Variants in ST18 observed in about 807,000 individuals in gnomAD.
ST18 encodes suppression of tumorigenicity 18 protein.
ST18 carries 50 observed loss-of-function variants against 110.0 expected under a neutral mutation model. The observed-to-expected ratio is 0.45, with a 90% CI of 0.36 to 0.58. The LOEUF (loss-of-function observed/expected upper bound fraction) is 0.58, where lower values mean the gene tolerates loss of function less well. Ranked by LOEUF, ST18 falls within the 20% of genes least tolerant of loss-of-function variation. The probability of loss-of-function intolerance (pLI) is 0.00; values close to 1 mark genes in which losing one functional copy is unlikely to be tolerated. For missense variants in ST18, 1,306 were observed against 1,280.1 expected (o/e 1.02, Z -0.31); for synonymous variants, 461 against 452.4 (o/e 1.02, Z -0.24).
chr8:52,311,145 T>C (rs910173684), intron 2 of ST18, among the ~76,000 whole-genome samples: 1 of 152,200 alleles, frequency 6.6e-6, no homozygotes, highest in African/African-American at 2.4e-5. Context: ...CAACATTCTT[T>C]CCTGGACATG....
chr8:52,141,543 A>C (rs957988516), intron 17 of ST18, among the ~76,000 whole-genome samples: 4 of 152,232 alleles, frequency 2.6e-5, no homozygotes, highest in African/African-American at 9.6e-5. Flanking sequence ...TAAAGGAGGC[A>C]GAAAATAGAG....
chr8:52,364,386 T>C (rs886316880), intron 2 of ST18, among the ~76,000 whole-genome samples: 2 of 152,216 alleles, frequency 1.3e-5, no homozygotes, highest in African/African-American at 4.8e-5. Flanking sequence ...AGGTTCATGA[T>C]GTCTTTCTCG....
At chr8:52,187,918 T>C (rs1017201774) in intron 8 of ST18, among the ~76,000 whole-genome samples, 23 of 152,244 alleles carry the variant, frequency 1.5e-4, no homozygotes, top group Non-Finnish European at 3.2e-4. Context: ...CTTTAATTCC[T>C]TTTGCATACT....
intron 2 of ST18, among the ~76,000 whole-genome samples, chr8:52,358,178 C>G (rs944149285): frequency 1.3e-5 from 2 of 151,622 alleles, no homozygotes; most frequent in African/African-American, 4.8e-5. Flanking sequence ...ACACAAAATG[C>G]CAACATCTAT....
intron 23 of ST18, among the ~76,000 whole-genome samples, chr8:52,123,803 G>C (rs1199650355): frequency 6.6e-6 from 1 of 152,176 alleles, no homozygotes; most frequent in East Asian, 1.9e-4. Flanking sequence ...CCTGCTGCTG[G>C]CCCCCTGCAA....
At chr8:52,380,391 G>T (rs1230980087) in intron 2 of ST18, among the ~76,000 whole-genome samples, 6 of 152,054 alleles carry the variant, frequency 3.9e-5, no homozygotes, top group Admixed American at 2.0e-4. Context: ...CATCTGTAAG[G>T]CTTCCAGTCA....
intron 2 of ST18, among the ~76,000 whole-genome samples, chr8:52,307,534 G>T (rs548914965): frequency 6.6e-6 from 1 of 152,092 alleles, no homozygotes; most frequent in African/African-American, 2.4e-5. Flanking sequence ...CTCACCCACT[G>T]CATAACTTTA....
intron 15 of ST18, among the ~76,000 whole-genome samples, chr8:52,156,761 G>A (rs949093224): frequency 4.6e-5 from 7 of 151,836 alleles, no homozygotes; most frequent in Admixed American, 3.9e-4. Flanking sequence ...GCATGTGTGT[G>A]TGTGTGCATG....
intron 2 of ST18, among the ~76,000 whole-genome samples, chr8:52,391,401 G>GTGGGCTGA (rs1388757705): frequency 6.6e-6 from 1 of 152,198 alleles, no homozygotes; most frequent in Non-Finnish European, 1.5e-5. Context: ...GACACTACAA[G>GTGGGCTGA]TGGGCTGATG....
chr8:52,339,357 T>C (rs910421498), intron 2 of ST18, among the ~76,000 whole-genome samples: 3 of 152,194 alleles, frequency 2.0e-5, no homozygotes, highest in Non-Finnish European at 4.4e-5. Context: ...GACCCAGATC[T>C]CAAGGGCTCA....
At chr8:52,341,919 G>C (rs766657317) in intron 2 of ST18, among the ~76,000 whole-genome samples, 1 of 152,124 alleles carries the variant, frequency 6.6e-6, no homozygotes, top group Non-Finnish European at 1.5e-5. Flanking sequence ...CCACCTCCTT[G>C]TATTTAAGGA....
intron 10 of ST18, 73 bp downstream of exon 10, chr8:52,171,718 AT>A: frequency 1.3e-5 from 20 of 1,525,368 alleles, no homozygotes; most frequent in Non-Finnish European, 1.8e-5. Context: ...CCTGAAAAAA[AT>A]AATCAAATCT....
chr8:52,345,771 G>A (rs1272207299), intron 2 of ST18, among the ~76,000 whole-genome samples: 1 of 152,186 alleles, frequency 6.6e-6, no homozygotes, highest in African/African-American at 2.4e-5. Context: ...CTGACATTTG[G>A]TAGGGCCTCG....
intron 2 of ST18, among the ~76,000 whole-genome samples, chr8:52,285,693 A>T (rs2095459634): frequency 6.6e-6 from 1 of 152,170 alleles, no homozygotes; most frequent in Non-Finnish European, 1.5e-5. Context: ...AATGATGGAC[A>T]CCCTGCTGAT....
chr8:52,150,368 C>G (rs1408717148), intron 15 of ST18, among the ~76,000 whole-genome samples: 1 of 151,930 alleles, frequency 6.6e-6, no homozygotes, highest in Admixed American at 6.6e-5. Context: ...ATTATCACTC[C>G]CAATTCATCA....
At chr8:52,311,204 C>T (rs538367848) in intron 2 of ST18, among the ~76,000 whole-genome samples, 45 of 152,178 alleles carry the variant, frequency 3.0e-4, no homozygotes, top group Non-Finnish European at 6.2e-4. Context: ...TTGTGGGCAA[C>T]TGGACATTCC....
chr8:52,172,117 G>A lies in ST18; in HGVS notation c.744C>T (p.Asn248=). 1 of 1,614,174 alleles carries A rather than the reference G, an allele frequency of 6.2e-7. No homozygotes were observed. Among genetic ancestry groups the A allele is most frequent in the Non-Finnish European group, 8.5e-7 (1 of 1,180,030 alleles). The change falls in exon 10 of 26, where the codon AAC becomes AAT. Residue 248 remains asparagine, a synonymous_variant. Transcript: ENST00000689386. ...TEGDKFIPCE[N]RCDSETERKD... is the part of the protein sequence containing the mutation. ...TCCTTTCTGTTTCAGAATCACACCT[G>A]TTCTCACAAGGGATAAATTTGTCAC...
intron 2 of ST18, among the ~76,000 whole-genome samples, chr8:52,255,891 A>G (rs1450407847): frequency 3.9e-5 from 6 of 152,224 alleles, no homozygotes; most frequent in Non-Finnish European, 7.3e-5. Context: ...AGATCTAAAT[A>G]AATTGTTCAA....
chr8:52,115,641 G>A (rs964418920), intron 25 of ST18, among the ~76,000 whole-genome samples: 7 of 152,120 alleles, frequency 4.6e-5, no homozygotes, highest in South Asian at 2.1e-4. Flanking sequence ...CTGGGTTTGC[G>A]AAAGTTCACT....
Sources: allele counts gnomAD v4.1 joint callset (sites outside exome capture counted in the v4.1 genomes callset), GRCh38; gene constraint gnomAD v4.1.1; transcripts MANE v1.5; gene names NCBI Gene and HGNC (gene_info 2026-07-23, HGNC 2026-07-21).